The following CDH13 variants were observed in gnomAD, a reference collection of about 807,000 sequenced individuals.
CDH13 encodes the protein cadherin 13.
A neutral mutation model predicts 63.8 loss-of-function variants in CDH13; 24 were observed. The observed-to-expected ratio is 0.38, with a 90% CI of 0.27 to 0.53. The LOEUF (loss-of-function observed/expected upper bound fraction) is 0.53. Ranked by LOEUF, CDH13 falls within the 20% of genes least tolerant of loss-of-function variation. The pLI is 0.85. For missense variants in CDH13, 1,049 were observed against 903.1 expected (o/e 1.16, Z -2.07); for synonymous variants, 503 against 355.3 (o/e 1.42, Z -4.67).
chr16:83,009,871 CG>C (rs1384797613), intron 2 of CDH13, among the ~76,000 whole-genome samples: 2 of 152,084 alleles, frequency 1.3e-5, no homozygotes, highest in African/African-American at 4.8e-5. Context: ...CAGTGGCTCA[CG>C]CCTGTAATCT....
intron 10 of CDH13, among the ~76,000 whole-genome samples, chr16:83,732,169 T>C (rs1401892585): frequency 6.6e-6 from 1 of 152,330 alleles, no homozygotes; most frequent in East Asian, 1.9e-4. Context: ...CCAATGAATG[T>C]CTGATCACAC....
intron 10 of CDH13, among the ~76,000 whole-genome samples, chr16:83,720,570 C>A (rs1188728721): frequency 6.6e-6 from 1 of 151,950 alleles, no homozygotes; most frequent in African/African-American, 2.4e-5. Flanking sequence ...TAGTGAGACC[C>A]CGTCTCTGTC....
intron 7 of CDH13, among the ~76,000 whole-genome samples, chr16:83,531,032 G>A (rs2075072870): frequency 6.6e-6 from 1 of 152,294 alleles, no homozygotes; most frequent in African/African-American, 2.4e-5. Flanking sequence ...GTTTTCATGG[G>A]ATAGTTACGA....
intron 7 of CDH13, among the ~76,000 whole-genome samples, chr16:83,557,464 A>T (rs960126683): frequency 6.6e-6 from 1 of 152,180 alleles, no homozygotes; most frequent in African/African-American, 2.4e-5. Flanking sequence ...CTGATGTTCT[A>T]TGTATATGAT....
chr16:82,630,849 T>A (rs982634633), intron 1 of CDH13, among the ~76,000 whole-genome samples: 1 of 152,232 alleles, frequency 6.6e-6, no homozygotes, highest in Admixed American at 6.5e-5. Flanking sequence ...AGTGAGTGTG[T>A]ACATCTCTGC....
At chr16:83,723,356 A>G (rs1272794087) in intron 10 of CDH13, among the ~76,000 whole-genome samples, 2 of 152,250 alleles carry the variant, frequency 1.3e-5, no homozygotes, top group Non-Finnish European at 1.5e-5. Flanking sequence ...CACAGATACT[A>G]AAGGGCTGAG....
At chr16:83,207,943 C>T (rs906850385) in intron 4 of CDH13, among the ~76,000 whole-genome samples, 3 of 152,096 alleles carry the variant, frequency 2.0e-5, no homozygotes, top group Admixed American at 1.3e-4. Flanking sequence ...GGCAAAATGA[C>T]CACTAAAAGA....
rs80136888 is a variant in CDH13 at position 83,010,176 on chromosome 16, G to A, written c.158-21834G>A. ...AAAAAAAAAAAACAAGAATGGCTCA[G>A]GTAGGGGCCAAAAATCTGCATTTCT... On this transcript the variant is annotated intron_variant, in intron 2 of 13. Coordinates refer to ENST00000567109, the MANE Select transcript of CDH13 (RefSeq NM_001257.5). Among the ~76,000 whole-genome samples, 754 of 121,978 alleles carry A rather than the reference G, an allele frequency of 6.2e-3. 9 individuals are homozygous for A. Among genetic ancestry groups the A allele is most frequent in the African/African-American group, 0.022 (725 of 32,494 alleles). The allele number at this position is 121,978 out of a possible 152,430, so 80.0% of individuals were successfully genotyped here.
At chr16:83,214,623 C>A (rs1268551149) in intron 4 of CDH13, among the ~76,000 whole-genome samples, 1 of 136,466 alleles carries the variant, frequency 7.3e-6, no homozygotes, top group African/African-American at 2.6e-5. Flanking sequence ...CCTATTCCCT[C>A]AGAAAAGGAT....
intron 1 of CDH13, among the ~76,000 whole-genome samples, chr16:82,794,637 C>G (rs957430107): frequency 6.6e-6 from 1 of 152,148 alleles, no homozygotes; most frequent in Non-Finnish European, 1.5e-5. Context: ...CAAACAGAAG[C>G]TTAATTTCTC....
chr16:83,411,388 G>T (rs138713463), intron 6 of CDH13, among the ~76,000 whole-genome samples: 1 of 152,048 alleles, frequency 6.6e-6, no homozygotes, highest in African/African-American at 2.4e-5. Context: ...GTATATCACC[G>T]TTGTGTGGTT....
chr16:83,130,700 A>G (rs1176378516), intron 4 of CDH13, among the ~76,000 whole-genome samples: 2 of 152,230 alleles, frequency 1.3e-5, no homozygotes, highest in African/African-American at 2.4e-5. Flanking sequence ...TAAAATTATC[A>G]TAAAAGACAC....
At chr16:83,080,886 T>TTG (rs1555579094) in intron 3 of CDH13, among the ~76,000 whole-genome samples, 8 of 117,406 alleles carry the variant, frequency 6.8e-5, no homozygotes, top group Non-Finnish European at 1.2e-4. Context: ...TTTTTTTTTT[T>TTG]TTTTTTTTTT....
At chr16:82,647,304 G>A (rs1449859086) in intron 1 of CDH13, among the ~76,000 whole-genome samples, 1 of 152,194 alleles carries the variant, frequency 6.6e-6, no homozygotes, top group African/African-American at 2.4e-5. Context: ...GGACAGATAG[G>A]ACTTAACAGA....
intron 2 of CDH13, among the ~76,000 whole-genome samples, chr16:82,980,808 A>C (rs531843481): frequency 7.9e-5 from 12 of 152,168 alleles, no homozygotes; most frequent in African/African-American, 2.9e-4. Flanking sequence ...CAGTCAAGAA[A>C]ATATCTGTTT....
intron 3 of CDH13, among the ~76,000 whole-genome samples, chr16:83,120,647 A>C (rs1392907175): frequency 6.6e-6 from 1 of 152,138 alleles, no homozygotes; most frequent in Non-Finnish European, 1.5e-5. Flanking sequence ...TGATATTCAG[A>C]TATTACAAAT....
intron 7 of CDH13, among the ~76,000 whole-genome samples, chr16:83,522,390 A>G (rs2074860056): frequency 6.6e-6 from 1 of 152,192 alleles, no homozygotes; most frequent in Admixed American, 6.5e-5. Flanking sequence ...TATATGAGGT[A>G]AGGCATATTG....
chr16:83,675,457 G>A (rs746160446), intron 9 of CDH13, among the ~76,000 whole-genome samples: 5 of 152,188 alleles, frequency 3.3e-5, no homozygotes, highest in Admixed American at 2.0e-4. Context: ...TGAAGCCAGC[G>A]TTCCGTTCAG....
At chr16:82,705,447 A>G (rs1399926060) in intron 1 of CDH13, among the ~76,000 whole-genome samples, 3 of 152,190 alleles carry the variant, frequency 2.0e-5, no homozygotes, top group Non-Finnish European at 4.4e-5. Flanking sequence ...GATCCTAGAA[A>G]TTAGCTCGGC....
Sources: gnomAD v4.1 joint callset for allele counts (sites outside exome capture counted in the v4.1 genomes callset) on GRCh38, gnomAD v4.1.1 for gene constraint, MANE v1.5 for transcripts, NCBI Gene and HGNC (gene_info 2026-07-23, HGNC 2026-07-21) for gene names.